Variants in RIT2 observed in about 807,000 individuals in gnomAD.
RIT2 encodes the protein Ras like without CAAX 2.
Under a neutral mutation model 23.7 loss-of-function variants are expected in RIT2, and 24 were observed. The ratio of observed to expected loss-of-function variants is 1.01; its 90% confidence interval spans 0.73 to 1.43. The LOEUF (loss-of-function observed/expected upper bound fraction) is 1.43, where lower values mean the gene tolerates loss of function less well. Among genes scored for constraint, RIT2 ranks in the 40% most tolerant of loss-of-function variants. The pLI, the probability that RIT2 is intolerant of heterozygous loss-of-function variation, is 0.00. For missense variants in RIT2, 236 were observed against 266.9 expected (o/e 0.88, Z 0.81); for synonymous variants, 107 against 91.1 (o/e 1.17, Z -0.99).
intron 4 of RIT2, among the ~76,000 whole-genome samples, chr18:42,858,522 G>T (rs190812168): frequency 3.3e-5 from 5 of 152,230 alleles, no homozygotes; most frequent in Non-Finnish European, 7.4e-5. Context: ...TGCCCCATTA[G>T]AATTTTTTAT....
chr18:42,904,888 C>G (rs902418693), intron 4 of RIT2, among the ~76,000 whole-genome samples: 2 of 151,982 alleles, frequency 1.3e-5, no homozygotes, highest in Non-Finnish European at 2.9e-5. Context: ...AAAGTCAAAA[C>G]AGAAGGAAGA....
At chr18:42,911,286 A>G (rs1215536458) in intron 4 of RIT2, among the ~76,000 whole-genome samples, 1 of 152,080 alleles carries the variant, frequency 6.6e-6, no homozygotes, top group Non-Finnish European at 1.5e-5. Flanking sequence ...AGCTAAATAA[A>G]TTCAAAACAA....
At chr18:42,827,479 T>G (rs1906328110) in intron 4 of RIT2, among the ~76,000 whole-genome samples, 1 of 151,956 alleles carries the variant, frequency 6.6e-6, no homozygotes, top group African/African-American at 2.4e-5. Flanking sequence ...ATCAAACGCT[T>G]TTTTTAAAAC....
At chr18:42,861,579 T>A (rs1907329386) in intron 4 of RIT2, among the ~76,000 whole-genome samples, 1 of 152,214 alleles carries the variant, frequency 6.6e-6, no homozygotes, top group African/African-American at 2.4e-5. Context: ...AACATTCACA[T>A]GACAGCATAG....
chr18:42,858,089 G>A (rs1356240822), intron 4 of RIT2, among the ~76,000 whole-genome samples: 1 of 152,166 alleles, frequency 6.6e-6, no homozygotes, highest in East Asian at 1.9e-4. Flanking sequence ...ACTGAGGCAG[G>A]AGAATTGCTT....
At chr18:42,912,638 T>G (rs901098128) in intron 4 of RIT2, among the ~76,000 whole-genome samples, 1 of 151,848 alleles carries the variant, frequency 6.6e-6, no homozygotes. Flanking sequence ...AGATAAGAAA[T>G]AATTGGAAAC....
intron 4 of RIT2, among the ~76,000 whole-genome samples, chr18:42,861,455 C>A (rs970959341): frequency 6.6e-6 from 1 of 152,312 alleles, no homozygotes; most frequent in African/African-American, 2.4e-5. Flanking sequence ...TTCTTTCTTG[C>A]CTTTTAGTCT....
intron 2 of RIT2, among the ~76,000 whole-genome samples, chr18:43,014,996 T>C (rs535234307): frequency 6.6e-6 from 1 of 151,790 alleles, no homozygotes; most frequent in East Asian, 1.9e-4. Context: ...TATTACAAAA[T>C]GAGGCAAAAA....
chr18:42,895,694 A>AT (rs151046592), intron 4 of RIT2, among the ~76,000 whole-genome samples: 2,358 of 152,264 alleles, frequency 0.015, 54 homozygotes, highest in African/African-American at 0.053. Flanking sequence ...TTTTCACTCA[A>AT]ATTTTTGTGA....
chr18:42,755,364 T>C (rs1170716573), intron 4 of RIT2, among the ~76,000 whole-genome samples: 1 of 152,154 alleles, frequency 6.6e-6, no homozygotes, highest in Non-Finnish European at 1.5e-5. Context: ...CCTTCAAGTA[T>C]TTGCAGTTGT....
chr18:43,066,947 G>A lies in RIT2; in HGVS notation c.104-33080C>T, dbSNP rs141207851. ...ATCCCTGTGATTGTAGTAAATTGAT[G>A]TTAAGGAGTTGATTTTGTCTTTAAG... On this transcript the variant is annotated intron_variant, in intron 1 of 4. Coordinates refer to ENST00000326695, the MANE Select transcript of RIT2 (RefSeq NM_002930.4). Among the ~76,000 whole-genome samples the A allele has an allele frequency of 3.3e-3, 494 of 151,182 alleles. 3 individuals are homozygous for A. The highest frequency in any genetic ancestry group is 0.012 in the African/African-American group (477 of 41,140).
chr18:43,039,520 G>T (rs965602456), intron 1 of RIT2, among the ~76,000 whole-genome samples: 4 of 151,608 alleles, frequency 2.6e-5, no homozygotes, highest in African/African-American at 9.7e-5. Context: ...GACTAATTTT[G>T]TATTTTTAAT....
chr18:42,973,771 A>G (rs899844620), intron 3 of RIT2, among the ~76,000 whole-genome samples: 1 of 151,942 alleles, frequency 6.6e-6, no homozygotes, highest in Non-Finnish European at 1.5e-5. Context: ...AGAAATTATC[A>G]CATTAGGATC....
At chr18:43,019,153 C>T (rs1423844942) in intron 2 of RIT2, among the ~76,000 whole-genome samples, 1 of 151,662 alleles carries the variant, frequency 6.6e-6, no homozygotes, top group Admixed American at 6.6e-5. Context: ...CAGAAACTTA[C>T]TTCACTAGTA....
chr18:42,911,209 G>T (rs1317096637), intron 4 of RIT2, among the ~76,000 whole-genome samples: 1 of 151,712 alleles, frequency 6.6e-6, no homozygotes, highest in Non-Finnish European at 1.5e-5. Context: ...GAAATTTCAA[G>T]GGAAAATAAT....
intron 4 of RIT2, among the ~76,000 whole-genome samples, chr18:42,781,517 C>T (rs1431010696): frequency 6.6e-6 from 1 of 152,118 alleles, no homozygotes. Flanking sequence ...TCCCTGGGGG[C>T]CTCAACTGCT....
chr18:42,929,310 A>G (rs1909269570), intron 3 of RIT2, among the ~76,000 whole-genome samples: 1 of 151,962 alleles, frequency 6.6e-6, no homozygotes, highest in Non-Finnish European at 1.5e-5. Flanking sequence ...ACCAAACTAG[A>G]TCTGCAGTAT....
intron 2 of RIT2, among the ~76,000 whole-genome samples, chr18:43,000,112 G>T (rs1911070295): frequency 6.6e-6 from 1 of 152,062 alleles, no homozygotes; most frequent in South Asian, 2.1e-4. Context: ...AAATGAAGAA[G>T]TATAACCTGA....
At chr18:43,112,245 C>T (rs948040225) in intron 1 of RIT2, among the ~76,000 whole-genome samples, 3 of 152,136 alleles carry the variant, frequency 2.0e-5, no homozygotes, top group Non-Finnish European at 4.4e-5. Context: ...CATCACAGAA[C>T]TCTAAATTAT....
Sources: allele counts gnomAD v4.1 joint callset (sites outside exome capture counted in the v4.1 genomes callset), GRCh38; gene constraint gnomAD v4.1.1; transcripts MANE v1.5; gene names NCBI Gene and HGNC (gene_info 2026-07-23, HGNC 2026-07-21).